The following GLA variants were observed in gnomAD, a reference collection of about 807,000 sequenced individuals.
GLA encodes galactosidase alpha, also known as alpha-galactosidase A.
GLA carries 4 observed loss-of-function variants against 28.2 expected under a neutral mutation model. The observed-to-expected ratio is 0.14, with a 90% CI of 0.07 to 0.32. The LOEUF is 0.32. Ranked by LOEUF, GLA falls within the 10% of genes least tolerant of loss-of-function variation. GLA has a pLI of 1.00. For synonymous variants in GLA, 94 were observed against 113.0 expected, an observed-to-expected ratio of 0.83 and a Z score of 1.07; for missense variants, 203 against 323.7, an observed-to-expected ratio of 0.63 and a Z score of 2.86.
intron 2 of GLA, among the ~76,000 whole-genome samples, chrX:101,402,565 C>G (rs1278677414): frequency 1.8e-5 from 2 of 110,774 alleles, no homozygotes; most frequent in African/African-American, 6.6e-5. Flanking sequence ...GAGTTCGAGA[C>G]CAGCCTGGCG....
chrX:101,398,709 C>T (rs1928179897), intron 5 of GLA, 76 bp downstream of exon 5: 7 of 1,101,284 alleles, frequency 6.4e-6, no homozygotes, highest in Middle Eastern at 2.5e-4. Flanking sequence ...GGAACTTTAC[C>T]TGTATTTACC....
At chrX:101,401,328 G>A (rs1555985721) in intron 3 of GLA, 24 of 333,028 alleles carry the variant, frequency 7.2e-5, no homozygotes, top group South Asian at 2.2e-4. Flanking sequence ...CTCTGTGACC[G>A]ATTGACAACC....
Position 101,398,365 on chromosome X carries a change from T to C in GLA, c.999+5A>G. 8.5e-7 allele frequency: 1 copy of C among 1,178,349 alleles called. No homozygotes were observed. On this transcript the variant is annotated splice_donor_5th_base_variant and intron_variant, in intron 6 of 6. Coordinates refer to ENST00000218516, the MANE Select transcript of GLA (RefSeq NM_000169.3). ...AGCCATCTTAAAATATATACTCTTA[T>C]TTACCTGTCTAAGCTGGTACCCTTG...
In GLA at chrX:101,405,178, G is replaced by A. The variant is rs887996815; in HGVS notation, c.195-1193C>T. ...TTGAACCTGGGAGGCGGAGGTTGCG[G>A]TGAACCGAGATCGTGACATTGTACT... On this transcript the variant is annotated intron_variant, in intron 1 of 6. Transcript: ENST00000218516. Among the ~76,000 whole-genome samples the A allele has an allele frequency of 2.3e-4, 24 of 103,338 alleles. No homozygotes were observed. Among genetic ancestry groups the A allele is most frequent in the Non-Finnish European group, 4.5e-4 (23 of 50,898 alleles). The allele number at this position is 103,338 out of a possible 115,157, so 89.7% of individuals were successfully genotyped here.
At position 101,398,012 on chromosome X, in the gene GLA, G is replaced by A. The variant is rs797044776; in HGVS notation, c.1087C>T (p.Arg363Cys). The A allele has an allele frequency of 8.3e-6, 10 of 1,209,710 alleles. No individual in the cohort carries two copies. The highest frequency in any genetic ancestry group is 1.1e-5 in the Non-Finnish European group (10 of 893,607). Residue 363 changes from arginine to cysteine, a missense_variant, in exon 7 of 7, where the codon CGC becomes TGC. Arg to Cys is a radical substitution (Grantham distance 180). This residue lies in a region of GLA where 162 missense variants were observed against 246.8 expected (regional missense o/e 0.66). Coordinates refer to ENST00000218516, the MANE Select transcript of GLA (RefSeq NM_000169.3). The part of the protein sequence containing the change: ...MINRQEIGGP[R>C]SYTIAVASLG... ...GAAGCAACTGCGATGGTATAAGAGC[G>A]AGGTCCACCAATCTCCTGCCGGTTT...
chrX:101,406,232 A>T (rs1389306981), intron 1 of GLA, among the ~76,000 whole-genome samples: 3 of 105,607 alleles, frequency 2.8e-5, no homozygotes, highest in African/African-American at 1.0e-4. Context: ...AAAAAAAAAA[A>T]GTGTAATTTA....
chrX:101,406,555 A>G lies in GLA; in HGVS notation c.194+1155T>C, dbSNP rs371654773. 4.5e-5 allele frequency among the ~76,000 whole-genome samples: 5 copies of G among 112,053 alleles called. No homozygotes were observed. In the East Asian group the frequency reaches 1.4e-3, roughly 31 times the overall value. ...CAGATGCAAATACCAATAAAAAAAA[A>G]TCCGTGATGGGCAAAATTGCCACAC... On this transcript the variant is annotated intron_variant, in intron 1 of 6. Transcript: ENST00000218516.
intron 4 of GLA, among the ~76,000 whole-genome samples, 191 bp from the exon 5 acceptor site, chrX:101,399,137 A>C (rs1276860231): frequency 9.1e-6 from 1 of 109,472 alleles, no homozygotes; most frequent in East Asian, 2.8e-4. Context: ...ATAACTTGAA[A>C]TCCCTTAAAG....
chrX:101,399,974 G>T (rs1179906918), intron 4 of GLA, among the ~76,000 whole-genome samples: 1 of 111,411 alleles, frequency 9.0e-6, no homozygotes, highest in Non-Finnish European at 1.9e-5. Context: ...CAGAAAAAAA[G>T]CAAGTGTAAA....
rs149178335 is a variant in GLA at position 101,404,393 on chromosome X, G to A, written c.195-408C>T. Among the ~76,000 whole-genome samples the A allele has an allele frequency of 3.5e-3, 394 of 111,003 alleles. 1 individual carries two copies. Among genetic ancestry groups the A allele is most frequent in the Non-Finnish European group, 5.1e-3 (268 of 52,994 alleles). Reference sequence around the variant, plus strand: ...GAGATAAATTTAAGATACGTGCAAGGCCCATATGTTAAAACTATGATGCTC... The same window carrying A: ...GAGATAAATTTAAGATACGTGCAAGACCCATATGTTAAAACTATGATGCTC... On this transcript the variant is annotated intron_variant, in intron 1 of 6. Coordinates refer to ENST00000218516, the MANE Select transcript of GLA (RefSeq NM_000169.3).
chrX:101,405,393 C>T (rs1335392403), intron 1 of GLA, among the ~76,000 whole-genome samples: 1 of 111,605 alleles, frequency 9.0e-6, no homozygotes, highest in African/African-American at 3.3e-5. Context: ...TTAAATGTGG[C>T]ATTTCTGATA....
intron 1 of GLA, among the ~76,000 whole-genome samples, chrX:101,405,066 C>T (rs1452845925): frequency 1.8e-5 from 2 of 108,299 alleles, no homozygotes; most frequent in Non-Finnish European, 3.8e-5. Flanking sequence ...GGAGAAACCC[C>T]ATCTCTACTA....
chrX:101,403,968 T>C lies in GLA; in HGVS notation c.212A>G (p.Glu71Gly), dbSNP rs781927744. Reference sequence around the variant, plus strand: ...TTCTGAGACCATGAGCTCTGCCATCTCCATGAAGAGCTTCTCACTGAAAGA... The same window carrying C: ...TTCTGAGACCATGAGCTCTGCCATCCCCATGAAGAGCTTCTCACTGAAAGA... ...DSCISEKLFM[E>G]MAELMVSEGW... The change falls in exon 2 of 7, where the codon GAG becomes GGG. Residue 71 changes from glutamate to glycine, a missense_variant. Transcript: ENST00000218516. 1 of 1,207,860 alleles carries C rather than the reference T, an allele frequency of 8.3e-7. No individual in the cohort carries two copies. Among genetic ancestry groups the C allele is most frequent in the Non-Finnish European group, 1.1e-6 (1 of 891,926 alleles).
chrX:101,398,960 T>TA lies in GLA; in HGVS notation c.640-15dup. 2.5e-6 allele frequency: 3 copies of TA among 1,184,099 alleles called. No individual in the cohort carries two copies. Among genetic ancestry groups the TA allele is most frequent in the Non-Finnish European group, 3.4e-6 (3 of 871,363 alleles). ...TGTATAATTGGGCTGTGAAAACAGA[T>TA]ATGACTCTTCTGTTTACTTTCTACT... On this transcript the variant is annotated splice_polypyrimidine_tract_variant and intron_variant, in intron 4 of 6. Coordinates refer to ENST00000218516, the MANE Select transcript of GLA (RefSeq NM_000169.3).
chrX:101,405,232 A>T (rs1265724330), intron 1 of GLA, among the ~76,000 whole-genome samples: 1 of 92,637 alleles, frequency 1.1e-5, no homozygotes, highest in Non-Finnish European at 2.1e-5. Flanking sequence ...GCGAAACTCC[A>T]GCTCAAAAAA....
In GLA at chrX:101,403,816, T is replaced by C. The variant is rs869312279; in HGVS notation, c.364A>G (p.Asn122Asp). ...RFPHGIRQLA[N>D]YVHSKGLKLG... is the part of the protein sequence containing the mutation. ...AACATTATCTATAAACTCACATAAT[T>C]AGCTAGCTGGCGAATCCCATGAGGA... The change falls in exon 2 of 7, where the codon AAT (asparagine) becomes GAT (aspartate). Residue 122 changes from asparagine (N) to aspartate (D), a missense_variant. Coordinates refer to ENST00000218516, the MANE Select transcript of GLA (RefSeq NM_000169.3). The C allele has an allele frequency of 8.3e-7, 1 of 1,208,919 alleles. No homozygotes were observed. The highest frequency in any genetic ancestry group is 1.1e-6 in the Non-Finnish European group (1 of 892,669).
At chrX:101,405,873 G>A (rs1044584131) in intron 1 of GLA, among the ~76,000 whole-genome samples, 5 of 106,568 alleles carry the variant, frequency 4.7e-5, no homozygotes, top group Non-Finnish European at 9.6e-5. Context: ...AGCAGAGATC[G>A]CGCCACTGCA....
rs1212500190 is a variant in GLA at position 101,406,740 on chromosome X, C to T, written c.194+970G>A. ...TTTTACCAACATCTATCAGTGATTC[C>T]TAACCTTTTTTAAATCACAGAGCCC... On this transcript the variant is annotated intron_variant, in intron 1 of 6. Transcript: ENST00000218516. Among the ~76,000 whole-genome samples, 3 of 112,359 alleles carry T rather than the reference C, an allele frequency of 2.7e-5. No individual in the cohort carries two copies. In the East Asian group the frequency reaches 8.3e-4, roughly 31 times the overall value.
chrX:101,405,008 C>T (rs1288474373), intron 1 of GLA, among the ~76,000 whole-genome samples: 1 of 110,177 alleles, frequency 9.1e-6, no homozygotes, highest in Non-Finnish European at 1.9e-5. Flanking sequence ...GAGGCCGAGG[C>T]AGGCAGATCA....
Sources: gnomAD v4.1 joint callset for allele counts (sites outside exome capture counted in the v4.1 genomes callset) on GRCh38, gnomAD v4.1.1 for gene constraint, gnomAD v4.1.1 regional missense constraint, MANE v1.5 for transcripts, NCBI Gene and HGNC (gene_info 2026-07-23, HGNC 2026-07-21) for gene names.